The following IFT56 variants were observed in gnomAD, a reference collection of about 807,000 sequenced individuals.
IFT56 encodes intraflagellar transport 56, also known as intraflagellar transport protein 56.
chr7:139,167,926 G>A, the IFT56 span, among the ~76,000 whole-genome samples: 1 of 143,688 alleles, frequency 7.0e-6, no homozygotes, highest in Non-Finnish European at 1.5e-5. Flanking sequence ...GGGCGACAGA[G>A]CAAGACTCGG....
At chr7:139,142,477 C>G in the IFT56 span, among the ~76,000 whole-genome samples, 2 of 152,132 alleles carry the variant, frequency 1.3e-5, no homozygotes, top group African/African-American at 2.4e-5. Context: ...TATCAATGTT[C>G]TTTACCTACT....
the IFT56 span, among the ~76,000 whole-genome samples, chr7:139,143,652 A>C: frequency 6.6e-6 from 1 of 152,068 alleles, no homozygotes; most frequent in African/African-American, 2.4e-5. Flanking sequence ...AAAAACCTCT[A>C]GTATATAATC....
the IFT56 span, chr7:139,178,207 G>C: frequency 6.2e-7 from 1 of 1,607,406 alleles, no homozygotes. Flanking sequence ...TTTCCCCTCC[G>C]TTTCAGATAC....
chr7:139,141,767 A>G, the IFT56 span, among the ~76,000 whole-genome samples: 4 of 152,228 alleles, frequency 2.6e-5, no homozygotes, highest in African/African-American at 9.6e-5. Flanking sequence ...TAATTATGCT[A>G]GAAAATCTGT....
the IFT56 span, chr7:139,139,831 G>T: frequency 9.2e-7 from 1 of 1,091,654 alleles, no homozygotes; most frequent in South Asian, 1.4e-5. Context: ...CATTGTGGAA[G>T]AATGGCCCAT....
chr7:139,163,510 G>A, the IFT56 span, among the ~76,000 whole-genome samples: 1 of 152,152 alleles, frequency 6.6e-6, no homozygotes, highest in South Asian at 2.1e-4. Flanking sequence ...TTATTCGTAT[G>A]CTGAGAGCAG....
At chr7:139,162,666 A>C in the IFT56 span, among the ~76,000 whole-genome samples, 1 of 152,172 alleles carries the variant, frequency 6.6e-6, no homozygotes, top group African/African-American at 2.4e-5. Context: ...GGGAAAATGA[A>C]AGTACTTATT....
chr7:139,175,899 G>A, the IFT56 span, among the ~76,000 whole-genome samples: 1 of 151,922 alleles, frequency 6.6e-6, no homozygotes, highest in Non-Finnish European at 1.5e-5. Context: ...GCATGATTTC[G>A]GCTCACTGCA....
the IFT56 span, among the ~76,000 whole-genome samples, chr7:139,159,684 G>A: frequency 1.3e-5 from 2 of 151,974 alleles, no homozygotes; most frequent in Non-Finnish European, 2.9e-5. Context: ...AAAGAGATTT[G>A]CAAAAAATGT....
the IFT56 span, chr7:139,178,352 G>A: frequency 1.6e-5 from 25 of 1,529,666 alleles, no homozygotes; most frequent in Non-Finnish European, 2.2e-5. Flanking sequence ...ACTATGGAAT[G>A]TGTCAGAGAA....
the IFT56 span, chr7:139,190,911 A>T: frequency 6.6e-6 from 1 of 152,328 alleles, no homozygotes; most frequent in Admixed American, 6.5e-5. Context: ...TGAAAGAAAG[A>T]ATTCCTCAAG....
chr7:139,148,256 A>G, the IFT56 span: 1 of 1,613,546 alleles, frequency 6.2e-7, no homozygotes, highest in Non-Finnish European at 8.5e-7. Flanking sequence ...TACAAGTTGG[A>G]TTACTATGAT....
the IFT56 span, among the ~76,000 whole-genome samples, chr7:139,165,911 A>G: frequency 6.6e-6 from 1 of 152,188 alleles, no homozygotes; most frequent in African/African-American, 2.4e-5. Flanking sequence ...TTATTAAAAT[A>G]AGAATATGAA....
At chr7:139,141,951 C>T in the IFT56 span, among the ~76,000 whole-genome samples, 304 of 152,312 alleles carry the variant, frequency 2.0e-3, 2 homozygotes, top group East Asian at 0.023. Context: ...GGTATATGAA[C>T]AACACAGAGG....
the IFT56 span, chr7:139,133,946 T>C: frequency 6.6e-7 from 1 of 1,522,704 alleles, no homozygotes; most frequent in Middle Eastern, 1.7e-4. Flanking sequence ...CTGTGTGAAG[T>C]CTAGGTGTGT....
the IFT56 span, chr7:139,142,408 G>A: frequency 1.3e-5 from 14 of 1,057,672 alleles, no homozygotes; most frequent in African/African-American, 2.1e-4. Flanking sequence ...AGAAATTCTT[G>A]TTAATGGTTT....
At chr7:139,143,942 G>A in the IFT56 span, among the ~76,000 whole-genome samples, 1 of 151,998 alleles carries the variant, frequency 6.6e-6, no homozygotes, top group Non-Finnish European at 1.5e-5. Flanking sequence ...AAAATTAAAG[G>A]ACCTTAGATC....
chr7:139,139,267 A>G, the IFT56 span, among the ~76,000 whole-genome samples: 3 of 152,360 alleles, frequency 2.0e-5, no homozygotes, highest in Admixed American at 1.3e-4. Context: ...TGTGAAAAGG[A>G]CAGAATAGAG....
the IFT56 span, chr7:139,187,402 T>C: frequency 6.2e-7 from 1 of 1,614,044 alleles, no homozygotes; most frequent in Non-Finnish European, 8.5e-7. Context: ...GTTCTCTTAT[T>C]CAGATGGGCC....
Sources: gnomAD v4.1 joint callset for allele counts (sites outside exome capture counted in the v4.1 genomes callset) on GRCh38, gnomAD v4.1.1 for gene constraint, MANE v1.5 for transcripts, NCBI Gene and HGNC (gene_info 2026-07-23, HGNC 2026-07-21) for gene names.